Variants in FUT9 observed in about 807,000 individuals in gnomAD.
The protein encoded by FUT9 is fucosyltransferase 9.
FUT9 carries 15 observed loss-of-function variants against 29.7 expected under a neutral mutation model. The observed-to-expected ratio is 0.51, with a 90% CI of 0.34 to 0.78. The LOEUF is 0.78. Ranked by LOEUF, FUT9 falls within the 30% of genes least tolerant of loss-of-function variation. The pLI, the probability that FUT9 is intolerant of heterozygous loss-of-function variation, is 0.01. For synonymous variants in FUT9, 169 were observed against 153.7 expected (o/e 1.10, Z -0.74); for missense variants, 319 against 425.4 (o/e 0.75, Z 2.20).
intron 1 of FUT9, among the ~76,000 whole-genome samples, chr6:96,107,430 T>C (rs1771712106): frequency 6.6e-6 from 1 of 152,142 alleles, no homozygotes; most frequent in African/African-American, 2.4e-5. Context: ...CTCCAATCTT[T>C]GAATAAAATA....
chr6:96,065,979 C>A lies in FUT9; in HGVS notation c.-97-48060C>A, dbSNP rs143962142. On this transcript the variant is annotated intron_variant, in intron 1 of 2. Transcript: ENST00000302103. ...AGAAAAGTAGGATACATTTATCAAGCAACTGTTTTAGTACAAACATTTTAT... is the reference window on the plus strand; with the variant it reads ...AGAAAAGTAGGATACATTTATCAAGAAACTGTTTTAGTACAAACATTTTAT... 3.1e-3 allele frequency among the ~76,000 whole-genome samples: 472 copies of A among 152,232 alleles called. 1 individual carries two copies. Among genetic ancestry groups the A allele is most frequent in the African/African-American group, 0.011 (442 of 41,568 alleles).
chr6:96,140,936 C>T (rs542227865), intron 2 of FUT9, among the ~76,000 whole-genome samples: 225 of 152,286 alleles, frequency 1.5e-3, no homozygotes, highest in African/African-American at 5.1e-3. Flanking sequence ...GAATGATAAA[C>T]ATTTGTTTTA....
chr6:96,097,032 C>A (rs542232634), intron 1 of FUT9, among the ~76,000 whole-genome samples: 3 of 152,056 alleles, frequency 2.0e-5, no homozygotes, highest in Non-Finnish European at 4.4e-5. Context: ...AAGTGAAGCT[C>A]ACAGAGACAA....
At chr6:96,107,456 A>G (rs1490653266) in intron 1 of FUT9, among the ~76,000 whole-genome samples, 1 of 152,212 alleles carries the variant, frequency 6.6e-6, no homozygotes, top group African/African-American at 2.4e-5. Context: ...TTTAGGAAGA[A>G]TGTACAAGGA....
chr6:96,023,186 A>G (rs2127922391), intron 1 of FUT9, among the ~76,000 whole-genome samples: 1 of 152,048 alleles, frequency 6.6e-6, no homozygotes, highest in Non-Finnish European at 1.5e-5. Context: ...GGTGCTGAAC[A>G]TTGTTTTTGT....
chr6:96,042,969 G>T (rs923109555), intron 1 of FUT9, among the ~76,000 whole-genome samples: 1 of 152,160 alleles, frequency 6.6e-6, no homozygotes, highest in African/African-American at 2.4e-5. Context: ...TGGGTTTCTT[G>T]ACTAAATTTT....
At chr6:96,154,906 A>G (rs1772746933) in intron 2 of FUT9, among the ~76,000 whole-genome samples, 1 of 152,204 alleles carries the variant, frequency 6.6e-6, no homozygotes, top group Non-Finnish European at 1.5e-5. Context: ...ATTAGGTTTC[A>G]TGGACTGGGG....
chr6:96,061,384 C>T lies in FUT9; in HGVS notation c.-98+45172C>T, dbSNP rs541168331. ...TATCTTAGAAGTCATTAAGTCTTCT[C>T]TTCTTTATTTGTTTTTAGTATTCCT... On this transcript the variant is annotated intron_variant, in intron 1 of 2. Coordinates refer to ENST00000302103, the MANE Select transcript of FUT9 (RefSeq NM_006581.4). 1.9e-4 allele frequency among the ~76,000 whole-genome samples: 28 copies of T among 150,548 alleles called. 1 individual carries two copies. Among genetic ancestry groups the T allele is most frequent in the Admixed American group, 1.7e-3 (25 of 14,974 alleles).
intron 1 of FUT9, among the ~76,000 whole-genome samples, chr6:96,046,994 G>C (rs1400106815): frequency 2.6e-5 from 4 of 152,154 alleles, no homozygotes; most frequent in Admixed American, 1.3e-4. Context: ...CTTTATCTCT[G>C]AAACTGTACA....
At chr6:96,179,644 G>T in intron 2 of FUT9, among the ~76,000 whole-genome samples, 1 of 151,912 alleles carries the variant, frequency 6.6e-6, no homozygotes, top group Non-Finnish European at 1.5e-5. Flanking sequence ...GCAAAGTTTT[G>T]GTTAAGTTAC....
At position 96,206,640 on chromosome 6, in the gene FUT9, T is replaced by C. The variant is rs1040247861; in HGVS notation, c.*2405T>C. On this transcript the variant is annotated 3_prime_UTR_variant, in exon 3 of 3. Transcript: ENST00000302103. ...ACTATGCCTGGCTAGTTTTTGTATTTTTAGTAGAGATGGGTTTCACTGTGT... is the reference window on the plus strand; with the variant it reads ...ACTATGCCTGGCTAGTTTTTGTATTCTTAGTAGAGATGGGTTTCACTGTGT... The C allele has an allele frequency of 1.9e-5, 3 of 160,690 alleles. No individual in the cohort carries two copies. Among genetic ancestry groups the C allele is most frequent in the African/African-American group, 7.2e-5 (3 of 41,386 alleles). 10.0% of individuals were successfully genotyped at this position (160,690 alleles called of 1,614,324 possible).
chr6:96,017,838 C>A (rs889483149), intron 1 of FUT9, among the ~76,000 whole-genome samples: 2 of 152,066 alleles, frequency 1.3e-5, no homozygotes, highest in African/African-American at 4.8e-5. Flanking sequence ...TGCTTCATCA[C>A]CTTAAAGGAG....
At position 96,203,353 on chromosome 6, in the gene FUT9, T is replaced by G. The variant is rs1056505861; in HGVS notation, c.198T>G (p.Ile66Met). The G allele has an allele frequency of 6.2e-7, 1 of 1,613,836 alleles. No individual in the cohort carries two copies. Among genetic ancestry groups the G allele is most frequent in the Non-Finnish European group, 8.5e-7 (1 of 1,179,838 alleles). ...TKTDYFNETT[I>M]LVWVWPFGQT... Reference sequence around the variant, plus strand: ...CTGATTATTTTAATGAAACTACTATTCTGGTGTGGGTGTGGCCATTTGGGC... The same window carrying G: ...CTGATTATTTTAATGAAACTACTATGCTGGTGTGGGTGTGGCCATTTGGGC... Residue 66 changes from isoleucine (I) to methionine (M), a missense_variant, in exon 3 of 3, where the codon ATT (isoleucine) becomes ATG (methionine). Coordinates refer to ENST00000302103, the MANE Select transcript of FUT9 (RefSeq NM_006581.4).
intron 2 of FUT9, among the ~76,000 whole-genome samples, chr6:96,190,088 G>T (rs376845786): frequency 2.0e-5 from 3 of 152,078 alleles, no homozygotes; most frequent in Non-Finnish European, 2.9e-5. Context: ...AGGAGCTCTT[G>T]TAGGGCAGGC....
chr6:96,153,461 G>C (rs550448310), intron 2 of FUT9, among the ~76,000 whole-genome samples: 1 of 152,252 alleles, frequency 6.6e-6, no homozygotes, highest in African/African-American at 2.4e-5. Context: ...CTCTTGAGTA[G>C]ACAATGTGAG....
At chr6:96,141,483 G>T (rs1233246972) in intron 2 of FUT9, among the ~76,000 whole-genome samples, 1 of 152,132 alleles carries the variant, frequency 6.6e-6, no homozygotes, top group Non-Finnish European at 1.5e-5. Flanking sequence ...AGCCTCAAGG[G>T]AGAATGAGGA....
At chr6:96,119,275 TTTTA>T (rs1264001673) in intron 2 of FUT9, among the ~76,000 whole-genome samples, 2 of 152,188 alleles carry the variant, frequency 1.3e-5, no homozygotes, top group Non-Finnish European at 2.9e-5. Context: ...TATACAGTAT[TTTTA>T]CTGTACCTTT....
intron 2 of FUT9, among the ~76,000 whole-genome samples, chr6:96,154,422 T>A (rs535080573): frequency 5.9e-5 from 9 of 152,354 alleles, no homozygotes; most frequent in African/African-American, 2.2e-4. Flanking sequence ...TAGTTACTTT[T>A]TACTTGTTAG....
chr6:96,057,632 C>T (rs1338430814), intron 1 of FUT9, among the ~76,000 whole-genome samples: 1 of 152,168 alleles, frequency 6.6e-6, no homozygotes, highest in Non-Finnish European at 1.5e-5. Context: ...AAACCTATTG[C>T]TTCCAAATGC....
Sources: gnomAD v4.1 joint callset for allele counts (sites outside exome capture counted in the v4.1 genomes callset) on GRCh38, gnomAD v4.1.1 for gene constraint, MANE v1.5 for transcripts, NCBI Gene and HGNC (gene_info 2026-07-23, HGNC 2026-07-21) for gene names.